AK2: variants seen among roughly 807,000 people sequenced by gnomAD.
The protein encoded by AK2 is adenylate kinase 2, mitochondrial.
Under a neutral mutation model 24.6 loss-of-function variants are expected in AK2, and 15 were observed. The ratio of observed to expected loss-of-function variants is 0.61; its 90% CI spans 0.41 to 0.94. The LOEUF (loss-of-function observed/expected upper bound fraction) is 0.94, where lower values mean the gene tolerates loss of function less well. Ranked by LOEUF, AK2 falls within the 40% of genes least tolerant of loss-of-function variation. The probability of loss-of-function intolerance (pLI) is 0.00; values close to 1 mark genes in which losing one functional copy is unlikely to be tolerated. For missense variants in AK2, 257 were observed against 304.1 expected, an observed-to-expected ratio of 0.85 and a Z score of 1.15; for synonymous variants, 102 against 114.0, an observed-to-expected ratio of 0.90 and a Z score of 0.67.
rs766967040 is a variant in AK2, at chr1:33,010,421, G to A, written c.*2760C>T. 7 of 512,204 alleles carry A rather than the reference G, an allele frequency of 1.4e-5. No individual in the cohort carries two copies. Among genetic ancestry groups the A allele is most frequent in the South Asian group, 6.2e-5 (4 of 65,040 alleles). 31.7% of individuals were successfully genotyped at this position (512,204 alleles called of 1,614,324 possible). A position where few individuals can be genotyped will look rare whatever the true frequency, so the allele number is the denominator to read the frequency against. On this transcript the variant is annotated 3_prime_UTR_variant, in exon 6 of 6. Transcript: ENST00000672715. Reference sequence around the variant, plus strand: ...CCTGTTCCAAGCTATAGACAGACAGGACAACAATTTGATTTCCTGTACTCT... The same window carrying A: ...CCTGTTCCAAGCTATAGACAGACAGAACAACAATTTGATTTCCTGTACTCT...
intron 5 of AK2, 122 bp from the exon 6 acceptor site, chr1:33,013,524 T>A: frequency 6.6e-7 from 1 of 1,524,858 alleles, no homozygotes; most frequent in Non-Finnish European, 8.9e-7. Context: ...CCAAAGCCCA[T>A]CAGAGACAAA....
At position 33,013,308 on chromosome 1, in the gene AK2, A is replaced by C. The variant is rs1235671386; in HGVS notation, c.593T>G (p.Ile198Arg). The change falls in exon 6 of 6, where the codon ATA becomes AGA. Residue 198 changes from isoleucine (I) to arginine (R), a missense_variant. By Grantham distance (97) the Ile-to-Arg change is moderately conservative. Transcript: ENST00000672715. ...QAYHTQTTPL[I>R]EYYRKRGIHS... ...GATCCCCCGTTTCCTGTAGTACTCTATGAGTGGGGTGGTTTGAGTGTGGTA... is the reference window on the plus strand; with the variant it reads ...GATCCCCCGTTTCCTGTAGTACTCTCTGAGTGGGGTGGTTTGAGTGTGGTA... The C allele has an allele frequency of 1.2e-6, 2 of 1,614,054 alleles. No individual in the cohort carries two copies. Among genetic ancestry groups the C allele is most frequent in the Admixed American group, 1.7e-5 (1 of 60,020 alleles).
intron 1 of AK2, among the ~76,000 whole-genome samples, chr1:33,029,897 C>T (rs1640132177): frequency 6.6e-6 from 1 of 152,228 alleles, no homozygotes; most frequent in Non-Finnish European, 1.5e-5. Flanking sequence ...TGTTCCTACA[C>T]ATGCAGCTAG....
rs1208683471 is a variant in AK2, at chr1:33,008,372, A to AGGAG, written c.*4805_*4808dup. Reference sequence around the variant, plus strand: ...TGAGGAAAGACTTGTGAGGCTTCTGAGGAGGCTGCTCTCCATCCTGCTGTG... The same window carrying AGGAG: ...TGAGGAAAGACTTGTGAGGCTTCTGAGGAGGGAGGCTGCTCTCCATCCTGCTGTG... On this transcript the variant is annotated 3_prime_UTR_variant, in exon 6 of 6. Coordinates refer to ENST00000672715, the MANE Select transcript of AK2 (RefSeq NM_001625.4). 1 of 454,096 alleles carries AGGAG rather than the reference A, an allele frequency of 2.2e-6. No individual in the cohort carries two copies. The highest frequency in any genetic ancestry group is 2.3e-5 in the Admixed American group (1 of 42,572). The allele number at this position is 454,096 out of a possible 1,614,324, so 28.1% of individuals were successfully genotyped here.
chr1:33,011,141 G>C lies in AK2; in HGVS notation c.*2040C>G. ...CTATGTGGACGGATGACAAATATTT[G>C]GGCAAGGATCATGCACATAAAATTA... On this transcript the variant is annotated 3_prime_UTR_variant, in exon 6 of 6. Coordinates refer to ENST00000672715, the MANE Select transcript of AK2 (RefSeq NM_001625.4). 7.2e-7 allele frequency: 1 copy of C among 1,383,582 alleles called. No homozygotes were observed. Among genetic ancestry groups the C allele is most frequent in the Non-Finnish European group, 9.4e-7 (1 of 1,066,248 alleles). The allele number at this position is 1,383,582 out of a possible 1,614,324, so 85.7% of individuals were successfully genotyped here.
intron 2 of AK2, 75 bp from the exon 3 acceptor site, chr1:33,021,778 C>T: frequency 8.5e-7 from 1 of 1,178,364 alleles, no homozygotes; most frequent in Non-Finnish European, 1.3e-6. Flanking sequence ...AACTCCACAG[C>T]CAAAAGTTTG....
intron 4 of AK2, chr1:33,020,058 A>G: frequency 6.5e-7 from 1 of 1,534,998 alleles, no homozygotes. Flanking sequence ...CACAAAGCAG[A>G]TGGCAGTGAT....
Position 33,009,798 on chromosome 1 carries a change from T to G in AK2, c.*3383A>C. On this transcript the variant is annotated 3_prime_UTR_variant, in exon 6 of 6. Coordinates refer to ENST00000672715, the MANE Select transcript of AK2 (RefSeq NM_001625.4). ...CAGGCTTATCTCATATGCACATACT[T>G]GGACCTCCCTACCACACAGCTGCCA... 1 of 454,462 alleles carries G rather than the reference T, an allele frequency of 2.2e-6. No individual in the cohort carries two copies. Among genetic ancestry groups the G allele is most frequent in the Non-Finnish European group, 4.4e-6 (1 of 226,770 alleles). 28.2% of individuals were successfully genotyped at this position (454,462 alleles called of 1,614,324 possible). A position where few individuals can be genotyped will look rare whatever the true frequency, so the allele number is the denominator to read the frequency against.
intron 1 of AK2, among the ~76,000 whole-genome samples, chr1:33,035,608 G>A (rs1478547393): frequency 6.6e-6 from 1 of 152,188 alleles, no homozygotes; most frequent in Non-Finnish European, 1.5e-5. Flanking sequence ...GCAAGAAGGG[G>A]ACATCAATAA....
In AK2 at chr1:33,013,279, A is replaced by C. The variant is rs776378314; in HGVS notation, c.622T>G (p.Ser208Ala). The C allele has an allele frequency of 7.4e-6, 12 of 1,614,000 alleles. No homozygotes were observed. The highest frequency in any genetic ancestry group is 5.0e-5 in the Admixed American group (3 of 59,982). ...GGGGTCTGGGATGCATCGATGGCGG[A>C]GTGGATCCCCCGTTTCCTGTAGTAC... The part of the protein sequence containing the change: ...IEYYRKRGIH[S>A]AIDASQTPDV... The change falls in exon 6 of 6, where the codon TCC (serine) becomes GCC (alanine). Residue 208 changes from serine (S) to alanine (A), a missense_variant. Transcript: ENST00000672715.
chr1:33,031,056 A>C (rs546222509), intron 1 of AK2: 15 of 152,104 alleles, frequency 9.9e-5, no homozygotes, highest in African/African-American at 3.4e-4. Context: ...TGCATTTCAG[A>C]TGTCTCTTAA....
In AK2 at chr1:33,020,720, C is replaced by G. The variant is rs888525381; in HGVS notation, c.425+647G>C. Among the ~76,000 whole-genome samples the G allele has an allele frequency of 3.3e-5, 5 of 151,972 alleles. No homozygotes were observed. The South Asian group carries it at 1.0e-3, about 32-fold the overall frequency. On this transcript the variant is annotated intron_variant, in intron 4 of 5. Coordinates refer to ENST00000672715, the MANE Select transcript of AK2 (RefSeq NM_001625.4). ...ATTAGCTGGGCGTGGTGGTACATGC[C>G]TGTAGTCCGAGTTACTCGGGAGGCT...
intron 1 of AK2, among the ~76,000 whole-genome samples, chr1:33,033,263 G>A (rs1640362126): frequency 6.6e-6 from 1 of 152,232 alleles, no homozygotes; most frequent in African/African-American, 2.4e-5. Context: ...TGGGCACAGT[G>A]GCACATGCCT....
intron 5 of AK2, 49 bp from the exon 6 acceptor site, chr1:33,013,451 T>A: frequency 1.9e-6 from 3 of 1,579,178 alleles, no homozygotes; most frequent in Non-Finnish European, 2.6e-6. Flanking sequence ...TAGCAAGGTT[T>A]TCTTATTCCA....
At chr1:33,032,501 GA>G (rs1640301294) in intron 1 of AK2, 1 of 152,306 alleles carries the variant, frequency 6.6e-6, no homozygotes, top group African/African-American at 2.4e-5. Flanking sequence ...ACGGGGTAAC[GA>G]AACAGTAGAT....
intron 4 of AK2, 47 bp from the exon 5 acceptor site, chr1:33,014,641 G>A (rs572422227): frequency 2.3e-5 from 34 of 1,508,134 alleles, no homozygotes; most frequent in Admixed American, 3.4e-5. Context: ...GACAGTACGC[G>A]CCTGCACTCC....
chr1:33,014,290 C>A (rs377372315), intron 5 of AK2: 30 of 413,350 alleles, frequency 7.3e-5, no homozygotes, highest in East Asian at 5.8e-4. Context: ...CTGGGCACTG[C>A]AAAAAGCTAG....
chr1:33,012,862 C>T lies in AK2; in HGVS notation c.*319G>A. 2 of 1,310,264 alleles carry T rather than the reference C, an allele frequency of 1.5e-6. No individual in the cohort carries two copies. The highest frequency in any genetic ancestry group is 1.5e-5 in the African/African-American group (1 of 66,996). The allele number at this position is 1,310,264 out of a possible 1,614,324, so 81.2% of individuals were successfully genotyped here. ...GCCGTGAGCCAAGATCACGCCACTG[C>T]ACTCCAGCCAGGGTGGCAGAGCGAA... On this transcript the variant is annotated 3_prime_UTR_variant, in exon 6 of 6. Coordinates refer to ENST00000672715, the MANE Select transcript of AK2 (RefSeq NM_001625.4).
intron 4 of AK2, among the ~76,000 whole-genome samples, chr1:33,018,390 C>G (rs1325169414): frequency 1.3e-5 from 2 of 152,082 alleles, no homozygotes; most frequent in Non-Finnish European, 2.9e-5. Context: ...TGTGACCAAC[C>G]TGGGCAACAG....
Sources: gnomAD v4.1 joint callset for allele counts (sites outside exome capture counted in the v4.1 genomes callset) on GRCh38, gnomAD v4.1.1 for gene constraint, MANE v1.5 for transcripts, NCBI Gene and HGNC (gene_info 2026-07-23, HGNC 2026-07-21) for gene names.